PCDHGA11: variants seen among roughly 807,000 people sequenced by gnomAD.
The protein encoded by PCDHGA11 is protocadherin gamma subfamily A, 11.
A neutral mutation model predicts 60.4 loss-of-function variants in PCDHGA11; 39 were observed. The ratio of observed to expected loss-of-function variants is 0.65; its 90% CI spans 0.50 to 0.84. The LOEUF is 0.84. Ranked by LOEUF, PCDHGA11 falls within the 40% of genes least tolerant of loss-of-function variation. PCDHGA11 has a pLI of 0.00. For missense variants in PCDHGA11, 1,165 were observed against 1,197.7 expected (o/e 0.97, Z 0.40); for synonymous variants, 533 against 510.3 (o/e 1.04, Z -0.60).
At chr5:141,510,272 TAA>T (rs546154379) in intron 3 of PCDHGA11, among the ~76,000 whole-genome samples, 46 of 130,286 alleles carry the variant, frequency 3.5e-4, no homozygotes, top group South Asian at 5.0e-4. Context: ...GACTCCATCT[TAA>T]AAAAAAAAAA....
rs911461762 is a variant in PCDHGA11 at position 141,512,938 on chromosome 5, T to C, written c.*1765T>C. The stretch of plus-strand genomic sequence containing the variant: ...ACTCTAATATTTATATGGCTTTTTT[T>C]CTTCGACAAAAAAATAATAAAACGT... On this transcript the variant is annotated 3_prime_UTR_variant, in exon 4 of 4. Coordinates refer to ENST00000398587, the MANE Select transcript of PCDHGA11 (RefSeq NM_018914.3). 6.6e-6 allele frequency: 1 copy of C among 151,928 alleles called. No homozygotes were observed. Among genetic ancestry groups the C allele is most frequent in the Non-Finnish European group, 1.5e-5 (1 of 67,934 alleles). The allele number at this position is 151,928 out of a possible 1,614,324, so 9.4% of individuals were successfully genotyped here.
chr5:141,454,796 ATTTTTTTTTT>A (rs61612330), intron 1 of PCDHGA11, among the ~76,000 whole-genome samples: 11 of 77,458 alleles, frequency 1.4e-4, no homozygotes, highest in East Asian at 8.0e-4. Flanking sequence ...CATGGTTCTA[ATTTTTTTTTT>A]TTTTTTTTTT....
chr5:141,467,055 CTTT>C (rs1193465269), intron 1 of PCDHGA11, among the ~76,000 whole-genome samples: 5 of 134,460 alleles, frequency 3.7e-5, no homozygotes, highest in Admixed American at 7.5e-5. Context: ...TCAATGTTTT[CTTT>C]TTTTTTTTTT....
Position 141,509,375 on chromosome 5 carries a change from T to C in PCDHGA11, c.2582-1572T>C, listed in dbSNP as rs1450730489. Among the ~76,000 whole-genome samples, 6 of 152,168 alleles carry C rather than the reference T, an allele frequency of 3.9e-5. No homozygotes were observed. In the East Asian group the frequency reaches 1.2e-3, roughly 29 times the overall value. On this transcript the variant is annotated intron_variant, in intron 3 of 3. Coordinates refer to ENST00000398587, the MANE Select transcript of PCDHGA11 (RefSeq NM_018914.3). ...GGGCATCCCTGAGGTTTTAACTGTC[T>C]CCTAACCACAGAGGATCTCAGGGCC...
chr5:141,427,114 A>G (rs767478190), intron 1 of PCDHGA11: 1 of 457,522 alleles, frequency 2.2e-6, no homozygotes, highest in Non-Finnish European at 4.4e-6. Flanking sequence ...GAGATCACCT[A>G]CTCTTTCAAA....
Position 141,421,407 on chromosome 5 carries a change from G to T in PCDHGA11, c.180G>T (p.Leu60=). The part of the protein sequence containing the change: ...SKDLGLEPRE[L]AKRGVRIVSR... ...ACCTGGGGCTGGAGCCCCGGGAGCT[G>T]GCGAAGCGCGGAGTCCGCATCGTCT... The change falls in exon 1 of 4, where the codon CTG becomes CTT. Residue 60 remains leucine, a synonymous_variant. Transcript: ENST00000398587. 1 of 1,614,076 alleles carries T rather than the reference G, an allele frequency of 6.2e-7. No individual in the cohort carries two copies.
At chr5:141,452,908 A>G (rs747849272) in intron 1 of PCDHGA11, among the ~76,000 whole-genome samples, 5 of 152,222 alleles carry the variant, frequency 3.3e-5, no homozygotes, top group African/African-American at 4.8e-5. Flanking sequence ...AGTTGGCATT[A>G]TACAGTAAGA....
chr5:141,465,043 T>C (rs1404714692), intron 1 of PCDHGA11, among the ~76,000 whole-genome samples: 2 of 152,030 alleles, frequency 1.3e-5, no homozygotes, highest in Non-Finnish European at 2.9e-5. Context: ...CAAATGACCC[T>C]ATATATTTTT....
intron 1 of PCDHGA11, among the ~76,000 whole-genome samples, chr5:141,425,305 AC>A (rs1239206853): frequency 1.3e-5 from 2 of 152,202 alleles, no homozygotes; most frequent in Non-Finnish European, 2.9e-5. Flanking sequence ...ATCTAAACTA[AC>A]TTCCCAAGAT....
chr5:141,490,891 C>A lies in PCDHGA11; in HGVS notation c.2434-3916C>A, dbSNP rs1462296497. The A allele has an allele frequency of 6.2e-7, 1 of 1,613,204 alleles. No homozygotes were observed. Among genetic ancestry groups the A allele is most frequent in the Non-Finnish European group, 8.5e-7 (1 of 1,179,262 alleles). On this transcript the variant is annotated intron_variant, in intron 1 of 3. Transcript: ENST00000398587. This position sits in a 1 kb window ranked among gnomAD's most constrained non-coding sequence, Gnocchi z 5.4. ...CCCATTGCATGCCAACACATCTCTGCATGTGTTTGTCCTAGACGAGAATGA... is the reference window on the plus strand; with the variant it reads ...CCCATTGCATGCCAACACATCTCTGAATGTGTTTGTCCTAGACGAGAATGA...
At chr5:141,449,202 C>T (rs77980623) in intron 1 of PCDHGA11, among the ~76,000 whole-genome samples, 7,411 of 152,148 alleles carry the variant, frequency 0.049, 284 homozygotes, top group African/African-American at 0.1. Context: ...AGTGTTAATT[C>T]TAACTTTCTG....
At chr5:141,433,848 A>AAC (rs1403081382) in intron 1 of PCDHGA11, among the ~76,000 whole-genome samples, 1 of 151,964 alleles carries the variant, frequency 6.6e-6, no homozygotes, top group South Asian at 2.1e-4. Context: ...AAAAAAAAAA[A>AAC]AAAAAAACTT....
chr5:141,422,099 A>C lies in PCDHGA11; in HGVS notation c.872A>C (p.Glu291Ala), dbSNP rs374091819. The C allele has an allele frequency of 6.2e-7, 1 of 1,609,706 alleles. No individual in the cohort carries two copies. Among genetic ancestry groups the C allele is most frequent in the Non-Finnish European group, 8.5e-7 (1 of 1,178,762 alleles). ...SFRNMESKASEIFQLDSQTGE... is the reference protein window; with the variant it reads ...SFRNMESKASAIFQLDSQTGE... Reference sequence around the variant, plus strand: ...CGGAACATGGAAAGCAAGGCTTCTGAAATATTCCAATTGGATTCACAAACT... The same window carrying C: ...CGGAACATGGAAAGCAAGGCTTCTGCAATATTCCAATTGGATTCACAAACT... The change falls in exon 1 of 4, where the codon GAA (glutamate) becomes GCA (alanine). Residue 291 changes from glutamate (E) to alanine (A), a missense_variant. By Grantham distance (107) the Glu-to-Ala change is moderately radical. Coordinates refer to ENST00000398587, the MANE Select transcript of PCDHGA11 (RefSeq NM_018914.3).
chr5:141,482,160 T>G (rs577572891), intron 1 of PCDHGA11, among the ~76,000 whole-genome samples: 1 of 151,854 alleles, frequency 6.6e-6, no homozygotes, highest in Admixed American at 6.6e-5. Context: ...GTCAAAGATA[T>G]GTAAGATTAA....
intron 1 of PCDHGA11, among the ~76,000 whole-genome samples, chr5:141,482,329 T>C (rs1334833454): frequency 6.6e-6 from 1 of 152,160 alleles, no homozygotes; most frequent in Non-Finnish European, 1.5e-5. Context: ...ATAAAGAGAA[T>C]ATCTACTTTG....
intron 1 of PCDHGA11, among the ~76,000 whole-genome samples, chr5:141,449,753 C>T (rs1260240861): frequency 6.6e-6 from 1 of 151,246 alleles, no homozygotes; most frequent in East Asian, 1.9e-4. Context: ...ATTTTTATGA[C>T]ATTTGAGAGT....
chr5:141,484,897 A>G (rs2099602925), intron 1 of PCDHGA11: 2 of 392,698 alleles, frequency 5.1e-6, no homozygotes, highest in Middle Eastern at 7.1e-4. Flanking sequence ...TTTCCCCTCC[A>G]ATGCTGCGAC....
chr5:141,486,017 A>C lies in PCDHGA11; in HGVS notation c.2434-8790A>C, dbSNP rs746747518. 1 of 1,614,176 alleles carries C rather than the reference A, an allele frequency of 6.2e-7. No homozygotes were observed. The highest frequency in any genetic ancestry group is 8.5e-7 in the Non-Finnish European group (1 of 1,180,038). ...CAGTGGTAACGTCACCTTTTATTTC[A>C]GTGGTCATACCCCTGATCGTGTAAG... On this transcript the variant is annotated intron_variant, in intron 1 of 3. Coordinates refer to ENST00000398587, the MANE Select transcript of PCDHGA11 (RefSeq NM_018914.3). This position sits in a 1 kb window ranked among gnomAD's most constrained non-coding sequence, Gnocchi z 5.0.
intron 1 of PCDHGA11, chr5:141,427,957 C>T: frequency 2.5e-6 from 4 of 1,588,402 alleles, no homozygotes; most frequent in South Asian, 1.1e-5. Context: ...GACAATGTGC[C>T]GCGGGTGCTG....
Sources: allele counts gnomAD v4.1 joint callset (sites outside exome capture counted in the v4.1 genomes callset), GRCh38; gene constraint gnomAD v4.1.1; non-coding constraint Gnocchi (gnomAD v3.1); transcripts MANE v1.5; gene names NCBI Gene and HGNC (gene_info 2026-07-23, HGNC 2026-07-21).